Variants in BANK1 observed in about 807,000 individuals in gnomAD.
The protein encoded by BANK1 is B-cell scaffold protein with ankyrin repeats.
A neutral mutation model predicts 94.5 loss-of-function variants in BANK1; 95 were observed. The observed-to-expected ratio is 1.00, with a 90% CI of 0.85 to 1.19. The LOEUF (loss-of-function observed/expected upper bound fraction) is 1.19. Among genes scored for constraint, BANK1 ranks in the 50% most tolerant of loss-of-function variants. The pLI, the probability that BANK1 is intolerant of heterozygous loss-of-function variation, is 0.00. For synonymous variants in BANK1, 334 were observed against 308.4 expected (o/e 1.08, Z -0.87); for missense variants, 987 against 932.2 (o/e 1.06, Z -0.77).
chr4:101,836,712 A>G (rs1243966889), intron 2 of BANK1, among the ~76,000 whole-genome samples: 1 of 152,218 alleles, frequency 6.6e-6, no homozygotes, highest in African/African-American at 2.4e-5. Flanking sequence ...ATGAGGAAAT[A>G]TCAGACAAAT....
intron 7 of BANK1, among the ~76,000 whole-genome samples, chr4:102,015,261 A>G (rs1416533765): frequency 6.6e-6 from 1 of 152,004 alleles, no homozygotes; most frequent in Non-Finnish European, 1.5e-5. Flanking sequence ...TCTTCTATCT[A>G]TGCTTTTTTT....
At chr4:102,029,825 A>T in intron 9 of BANK1, 135 bp from the exon 10 acceptor site, 1 of 713,368 alleles carries the variant, frequency 1.4e-6, no homozygotes, top group Non-Finnish European at 2.3e-6. Context: ...TCCTGGAGTC[A>T]CGAGCTCTTC....
intron 7 of BANK1, among the ~76,000 whole-genome samples, chr4:101,935,275 A>C (rs552384137): frequency 6.6e-6 from 1 of 151,734 alleles, no homozygotes; most frequent in African/African-American, 2.4e-5. Context: ...AAAAGTTATA[A>C]GAAAAGTTCT....
chr4:101,802,507 T>C (rs1297071741), intron 1 of BANK1, among the ~76,000 whole-genome samples: 1 of 152,220 alleles, frequency 6.6e-6, no homozygotes, highest in African/African-American at 2.4e-5. Flanking sequence ...GCTGCTTTTT[T>C]ATATATCTTT....
intron 13 of BANK1, among the ~76,000 whole-genome samples, chr4:102,070,222 CTTGA>C (rs1350210031): frequency 1.3e-5 from 2 of 152,174 alleles, no homozygotes; most frequent in African/African-American, 4.8e-5. Flanking sequence ...CCTGTTTAAC[CTTGA>C]TCCTAAGACT....
intron 11 of BANK1, among the ~76,000 whole-genome samples, chr4:102,058,764 C>A (rs1728317142): frequency 6.9e-6 from 1 of 144,454 alleles, no homozygotes; most frequent in South Asian, 2.2e-4. Context: ...AAAGACAAGT[C>A]AAGAAAGCCT....
intron 7 of BANK1, chr4:101,977,162 A>G (rs921312431): frequency 6.6e-6 from 1 of 152,178 alleles, no homozygotes; most frequent in Non-Finnish European, 1.5e-5. Flanking sequence ...TACACTGCAC[A>G]TTGAAAGCAG....
chr4:101,907,042 T>C (rs1722479624), intron 6 of BANK1, among the ~76,000 whole-genome samples: 1 of 152,188 alleles, frequency 6.6e-6, no homozygotes, highest in African/African-American at 2.4e-5. Flanking sequence ...ATTGTTTCCA[T>C]AGATATTAAA....
intron 11 of BANK1, among the ~76,000 whole-genome samples, chr4:102,047,291 T>C (rs2850396): frequency 0.63 from 96,309 of 152,008 alleles, 30,783 homozygotes; most frequent in African/African-American, 0.7. Flanking sequence ...ACACGGTGTT[T>C]GAATGCAACA....
At chr4:101,986,861 ATATATG>A (rs1725509436) in intron 7 of BANK1, among the ~76,000 whole-genome samples, 1 of 49,916 alleles carries the variant, frequency 2.0e-5, no homozygotes, top group African/African-American at 7.8e-5. Flanking sequence ...ATATGTATAT[ATATATG>A]TGTGTATGTG....
Position 101,982,891 on chromosome 4 carries a change from A to G in BANK1, c.1207-38623A>G, listed in dbSNP as rs1297397505. 1.3e-5 allele frequency among the ~76,000 whole-genome samples: 2 copies of G among 152,038 alleles called. 1 individual carries two copies. Among genetic ancestry groups the G allele is most frequent in the Non-Finnish European group, 2.9e-5 (2 of 67,950 alleles). ...TAAGGCTATATATATATATGTATAT[A>G]CGCATGGAATTTCACCAAGATTATG... On this transcript the variant is annotated intron_variant, in intron 7 of 16. Transcript: ENST00000322953.
At chr4:101,843,152 A>G (rs1727118766) in intron 2 of BANK1, among the ~76,000 whole-genome samples, 1 of 152,168 alleles carries the variant, frequency 6.6e-6, no homozygotes, top group Non-Finnish European at 1.5e-5. Context: ...AATTTCAAAC[A>G]AAAAACAGTG....
chr4:102,061,195 A>ATAAT (rs1419509811), intron 12 of BANK1, among the ~76,000 whole-genome samples: 1 of 152,234 alleles, frequency 6.6e-6, no homozygotes, highest in African/African-American at 2.4e-5. Flanking sequence ...TTCCCAAGAG[A>ATAAT]TAATTTTTGT....
chr4:101,804,137 C>G lies in BANK1; in HGVS notation c.70+13187C>G, dbSNP rs534565242. The stretch of plus-strand genomic sequence containing the variant: ...TAAAATACATACAAATCTGAAAAAG[C>G]TAACATTTATCAAAACATAGTCACA... On this transcript the variant is annotated intron_variant, in intron 1 of 16. Transcript: ENST00000322953. 2.1e-4 allele frequency among the ~76,000 whole-genome samples: 32 copies of G among 150,268 alleles called. 1 individual carries two copies. The East Asian group carries it at 6.0e-3, about 28-fold the overall frequency.
intron 5 of BANK1, among the ~76,000 whole-genome samples, chr4:101,878,195 G>T (rs1453714672): frequency 1.3e-5 from 2 of 151,956 alleles, no homozygotes; most frequent in Non-Finnish European, 2.9e-5. Flanking sequence ...AAGACCTAGT[G>T]ATCTGTTGAC....
chr4:101,818,931 A>G (rs1726027942), intron 1 of BANK1, among the ~76,000 whole-genome samples: 1 of 147,772 alleles, frequency 6.8e-6, no homozygotes, highest in Non-Finnish European at 1.5e-5. Context: ...TCAGATACAT[A>G]TATTTTGCCT....
At chr4:101,936,572 G>A (rs1560641763) in intron 7 of BANK1, among the ~76,000 whole-genome samples, 1 of 150,340 alleles carries the variant, frequency 6.7e-6, no homozygotes, top group South Asian at 2.1e-4. Context: ...ATATGTATAC[G>A]TGTATGTGTG....
chr4:101,869,157 C>T (rs1055863949), intron 4 of BANK1, among the ~76,000 whole-genome samples: 2 of 151,638 alleles, frequency 1.3e-5, no homozygotes, highest in East Asian at 1.9e-4. Context: ...AAGTTAACTC[C>T]CCATGGTAAA....
intron 6 of BANK1, among the ~76,000 whole-genome samples, chr4:101,895,655 T>A (rs1189056465): frequency 6.6e-6 from 1 of 151,834 alleles, no homozygotes; most frequent in Non-Finnish European, 1.5e-5. Flanking sequence ...CTTCTTGACT[T>A]TTACTCTAAG....
Sources: gnomAD v4.1 joint callset for allele counts (sites outside exome capture counted in the v4.1 genomes callset) on GRCh38, gnomAD v4.1.1 for gene constraint, MANE v1.5 for transcripts, NCBI Gene and HGNC (gene_info 2026-07-23, HGNC 2026-07-21) for gene names.